Variants in TPM3 observed in about 807,000 individuals in gnomAD.
The protein encoded by TPM3 is tropomyosin 3.
A neutral mutation model predicts 43.1 loss-of-function variants in TPM3; 16 were observed. That is an observed-to-expected ratio of 0.37 (90% CI 0.25 to 0.56). The LOEUF (loss-of-function observed/expected upper bound fraction) is 0.56. TPM3 is among the 20% of genes least tolerant of loss of function. The pLI is 0.77. For synonymous variants in TPM3, 101 were observed against 116.9 expected (o/e 0.86, Z 0.88); for missense variants, 176 against 337.2 (o/e 0.52, Z 3.74).
chr1:154,157,921 T>C (rs968389398), downstream of TPM3, among the ~76,000 whole-genome samples: 1 of 152,178 alleles, frequency 6.6e-6, no homozygotes, highest in Non-Finnish European at 1.5e-5. Context: ...GTTGCTGCAC[T>C]TCCTGGGTGA....
downstream of TPM3, chr1:154,159,159 C>G: frequency 1.4e-6 from 1 of 704,602 alleles, no homozygotes; most frequent in Non-Finnish European, 2.6e-6. Flanking sequence ...ATGAGTCTTT[C>G]AACTAGCTGG....
At chr1:154,159,361 G>C (rs1660124024), downstream of TPM3, among the ~76,000 whole-genome samples, 1 of 152,152 alleles carries the variant, frequency 6.6e-6, no homozygotes, top group South Asian at 2.1e-4. Context: ...CTGAAACAAG[G>C]GAAATGGCAA....
chr1:154,158,580 G>A (rs1198649443), downstream of TPM3: 1 of 359,588 alleles, frequency 2.8e-6, no homozygotes, highest in Non-Finnish European at 5.2e-6. Context: ...ACCCATTCCT[G>A]GGCCTGCCGA....
At chr1:154,157,732 T>C, downstream of TPM3, 1 of 780,560 alleles carries the variant, frequency 1.3e-6, no homozygotes, top group Admixed American at 1.7e-5. Context: ...CTAATGGGGG[T>C]AAAGGAGAGA....
chr1:154,171,904 T>C, intron 5 of TPM3: 1 of 994,070 alleles, frequency 1.0e-6, no homozygotes. Context: ...GAATGGAGCA[T>C]TCCATGAAGA....
rs1660963878 is a variant in TPM3 at position 154,166,396 on chromosome 1, A to T, written c.*1541T>A. ...TTCTTAGGCAACCTTGTTGTTCTCC[A>T]CTCCCAGGAGGTCACCATACTGATG... is the stretch of plus-strand genomic sequence containing the variant. On this transcript the variant is annotated 3_prime_UTR_variant, in exon 10 of 10. Transcript: ENST00000651641. 2.6e-6 allele frequency: 1 copy of T among 382,358 alleles called. No homozygotes were observed. The highest frequency in any genetic ancestry group is 3.8e-6 in the Non-Finnish European group (1 of 260,242). 23.7% of individuals were successfully genotyped at this position (382,358 alleles called of 1,614,324 possible). A position where few individuals can be genotyped will look rare whatever the true frequency, so the allele number is the denominator to read the frequency against.
intron 5 of TPM3, chr1:154,172,582 AG>A: frequency 2.2e-6 from 1 of 450,056 alleles, no homozygotes; most frequent in Non-Finnish European, 4.2e-6. Context: ...AAATCAGGAT[AG>A]CCACTTTGAT....
chr1:154,170,095 C>A, intron 8 of TPM3: 1 of 379,254 alleles, frequency 2.6e-6, no homozygotes. Context: ...CATTTAAACC[C>A]ACAGACTAAA....
rs147433318 is a variant in TPM3 at position 154,168,630 on chromosome 1, T to C, written c.854+675A>G. Among the ~76,000 whole-genome samples the C allele has an allele frequency of 2.2e-3, 337 of 152,220 alleles. 5 individuals carry two copies. The highest frequency in any genetic ancestry group is 7.7e-3 in the African/African-American group (321 of 41,526). On this transcript the variant is annotated intron_variant, in intron 9 of 9. Coordinates refer to ENST00000651641, the MANE Select transcript of TPM3 (RefSeq NM_152263.4). ...TCCATCTCCTGGTTTCAAGTGATTC[T>C]CCTGCCTTAGCCTCCCGAGTAGTTG...
chr1:154,186,313 G>A (rs1428928271), intron 2 of TPM3, among the ~76,000 whole-genome samples: 1 of 151,506 alleles, frequency 6.6e-6, no homozygotes, highest in Admixed American at 6.6e-5. Context: ...AGCAGCAGAA[G>A]ACCTCATCCT....
chr1:154,184,047 G>C (rs1233172164), intron 2 of TPM3, among the ~76,000 whole-genome samples: 2 of 151,342 alleles, frequency 1.3e-5, no homozygotes, highest in Non-Finnish European at 3.0e-5. Context: ...ATTTATTTTT[G>C]TTTTGTTTTT....
chr1:154,183,515 A>G lies in TPM3; in HGVS notation c.244-7267T>C, dbSNP rs1036596691. On this transcript the variant is annotated intron_variant, in intron 2 of 9. Transcript: ENST00000651641. ...AGTCGGCTGACCTTACACTCCCGCA[A>G]TTGACCCCTCACTCCCGCAATGCCG... is the stretch of plus-strand genomic sequence containing the variant. 20 of 386,538 alleles carry G rather than the reference A, an allele frequency of 5.2e-5. No homozygotes were observed. In the East Asian group the frequency reaches 5.2e-4, roughly 10 times the overall value. The allele number at this position is 386,538 out of a possible 1,614,324, so 23.9% of individuals were successfully genotyped here.
At chr1:154,191,441 C>T in intron 1 of TPM3, 130 bp from the exon 2 acceptor site, 1 of 1,491,142 alleles carries the variant, frequency 6.7e-7, no homozygotes, top group Non-Finnish European at 9.1e-7. Context: ...TTCTCCCCAG[C>T]CACTTCCAGC....
chr1:154,175,060 A>G (rs925744103), intron 3 of TPM3, among the ~76,000 whole-genome samples: 4 of 150,374 alleles, frequency 2.7e-5, no homozygotes, highest in African/African-American at 7.3e-5. Context: ...GGCCGGGCGC[A>G]GTGGCTCACG....
chr1:154,176,316 T>C, intron 2 of TPM3, 68 bp from the exon 3 acceptor site: 1 of 1,611,026 alleles, frequency 6.2e-7, no homozygotes, highest in South Asian at 1.1e-5. Flanking sequence ...AACTATGACA[T>C]TAAGATCAGG....
Position 154,162,627 on chromosome 1 carries a change from A to G in TPM3, c.*5310T>C, listed in dbSNP as rs2148201295. On this transcript the variant is annotated 3_prime_UTR_variant, in exon 10 of 10. Coordinates refer to ENST00000651641, the MANE Select transcript of TPM3 (RefSeq NM_152263.4). Reference sequence around the variant, plus strand: ...TTCTTAGAAATTAAGAGGGGGTAACATTAAGGGGACAAATGTTTTACTCTG... The same window carrying G: ...TTCTTAGAAATTAAGAGGGGGTAACGTTAAGGGGACAAATGTTTTACTCTG... Among the ~76,000 whole-genome samples, 1 of 152,300 alleles carries G rather than the reference A, an allele frequency of 6.6e-6. No homozygotes were observed. The highest frequency in any genetic ancestry group is 2.4e-5 in the African/African-American group (1 of 41,574).
downstream of TPM3, among the ~76,000 whole-genome samples, chr1:154,159,393 C>T (rs776264735): frequency 9.2e-5 from 14 of 152,040 alleles, no homozygotes; most frequent in African/African-American, 2.7e-4. Context: ...CAGTTGGCTT[C>T]GAAGAAATGT....
intron 2 of TPM3, among the ~76,000 whole-genome samples, chr1:154,184,962 A>C (rs1663339327): frequency 6.6e-6 from 1 of 151,928 alleles, no homozygotes; most frequent in Non-Finnish European, 1.5e-5. Context: ...TGCAACAGCC[A>C]GACATGAGTG....
Position 154,167,462 on chromosome 1 carries a change from G to A in TPM3, c.*475C>T. 9.3e-7 allele frequency: 1 copy of A among 1,078,328 alleles called. No individual in the cohort carries two copies. Among genetic ancestry groups the A allele is most frequent in the Non-Finnish European group, 1.1e-6 (1 of 886,018 alleles). 66.8% of individuals were successfully genotyped at this position (1,078,328 alleles called of 1,614,324 possible). On this transcript the variant is annotated 3_prime_UTR_variant, in exon 10 of 10. Coordinates refer to ENST00000651641, the MANE Select transcript of TPM3 (RefSeq NM_152263.4). Reference sequence around the variant, plus strand: ...AGAGAGAATGGAAACACTGCAGGCAGGATGATTTAAGAACCTGGAAATAAG... The same window carrying A: ...AGAGAGAATGGAAACACTGCAGGCAAGATGATTTAAGAACCTGGAAATAAG...
Sources: allele counts gnomAD v4.1 joint callset (sites outside exome capture counted in the v4.1 genomes callset), GRCh38; gene constraint gnomAD v4.1.1; transcripts MANE v1.5; gene names NCBI Gene and HGNC (gene_info 2026-07-23, HGNC 2026-07-21).